LUZP2: variants seen among roughly 807,000 people sequenced by gnomAD.
The protein encoded by LUZP2 is leucine zipper protein 2.
In LUZP2, 52 loss-of-function variants were observed where a neutral mutation model predicts 51.6. That is an observed-to-expected ratio of 1.01 (90% confidence interval 0.81 to 1.27). The LOEUF (loss-of-function observed/expected upper bound fraction) is 1.27. Among genes scored for constraint, LUZP2 ranks in the 50% most tolerant of loss-of-function variants. The probability of loss-of-function intolerance (pLI) is 0.00; values close to 1 mark genes in which losing one functional copy is unlikely to be tolerated. For missense variants in LUZP2, 436 were observed against 395.4 expected, an observed-to-expected ratio of 1.10 and a Z score of -0.87; for synonymous variants, 154 against 137.3, an observed-to-expected ratio of 1.12 and a Z score of -0.85.
chr11:25,027,010 T>A (rs1345905679), intron 9 of LUZP2, among the ~76,000 whole-genome samples: 1 of 152,004 alleles, frequency 6.6e-6, no homozygotes, highest in East Asian at 1.9e-4. Context: ...CATTTGCAAA[T>A]AATCACCTAT....
At chr11:24,557,144 T>C (rs1356456726) in intron 1 of LUZP2, among the ~76,000 whole-genome samples, 3 of 150,906 alleles carry the variant, frequency 2.0e-5, no homozygotes, top group Admixed American at 1.3e-4. Flanking sequence ...CATTGTGTTA[T>C]AGCTGATGAC....
chr11:24,708,173 A>G (rs1857671956), intron 1 of LUZP2, among the ~76,000 whole-genome samples: 1 of 152,210 alleles, frequency 6.6e-6, no homozygotes, highest in African/African-American at 2.4e-5. Context: ...AAAATTGAAA[A>G]TACTGACATA....
chr11:24,960,724 G>T (rs977670175), intron 7 of LUZP2, among the ~76,000 whole-genome samples: 1 of 151,986 alleles, frequency 6.6e-6, no homozygotes, highest in Non-Finnish European at 1.5e-5. Flanking sequence ...TTTTTTGAAG[G>T]GTCCTTTGTG....
intron 4 of LUZP2, among the ~76,000 whole-genome samples, chr11:24,751,266 G>C (rs1198850820): frequency 6.6e-6 from 1 of 152,084 alleles, no homozygotes; most frequent in Non-Finnish European, 1.5e-5. Context: ...GAAATAATGA[G>C]TGATTCCTGG....
At chr11:24,767,148 TTTCCCTC>T (rs1319216087) in intron 5 of LUZP2, among the ~76,000 whole-genome samples, 5 of 152,206 alleles carry the variant, frequency 3.3e-5, no homozygotes, top group Non-Finnish European at 4.4e-5. Flanking sequence ...CCAATCCCAT[TTTCCCTC>T]CAAAATTTCT....
chr11:25,058,954 T>A (rs1858761150), intron 10 of LUZP2, among the ~76,000 whole-genome samples: 1 of 152,192 alleles, frequency 6.6e-6, no homozygotes, highest in Non-Finnish European at 1.5e-5. Context: ...CAAAAACTAT[T>A]GGTGTTTCTA....
chr11:24,868,971 T>C (rs1023878839), intron 5 of LUZP2, among the ~76,000 whole-genome samples: 5 of 152,208 alleles, frequency 3.3e-5, no homozygotes, highest in Non-Finnish European at 7.3e-5. Flanking sequence ...TCCAAGAATA[T>C]TCTCATTGTA....
chr11:24,788,343 C>T (rs1376544875), intron 5 of LUZP2, among the ~76,000 whole-genome samples: 1 of 151,922 alleles, frequency 6.6e-6, no homozygotes, highest in Non-Finnish European at 1.5e-5. Context: ...GTGTGCACCA[C>T]CATACCCAGC....
At chr11:24,984,549 T>TATATATATATATAA (rs60530495) in intron 9 of LUZP2, among the ~76,000 whole-genome samples, 8,422 of 71,072 alleles carry the variant, frequency 0.12, 708 homozygotes, top group East Asian at 0.22. Context: ...TATATATATA[T>TATATATATATATAA]AATTGTGAAT....
At chr11:24,517,059 AT>A (rs1376319352) in intron 1 of LUZP2, among the ~76,000 whole-genome samples, 1 of 152,032 alleles carries the variant, frequency 6.6e-6, no homozygotes, top group Non-Finnish European at 1.5e-5. Context: ...AAATACAAAG[AT>A]TTTTCTTTAT....
chr11:24,598,100 CAAAAA>C (rs200140320), intron 1 of LUZP2, among the ~76,000 whole-genome samples: 1 of 100,324 alleles, frequency 1.0e-5, no homozygotes. Flanking sequence ...GACTCTGTCT[CAAAAA>C]AAAAAAAAAA....
At chr11:24,770,967 G>T (rs1300812433) in intron 5 of LUZP2, among the ~76,000 whole-genome samples, 1 of 152,002 alleles carries the variant, frequency 6.6e-6, no homozygotes, top group Non-Finnish European at 1.5e-5. Context: ...ACACACCCTG[G>T]GCCTTCTGCA....
intron 4 of LUZP2, among the ~76,000 whole-genome samples, chr11:24,750,151 G>A (rs1200965554): frequency 6.6e-6 from 1 of 152,166 alleles, no homozygotes; most frequent in African/African-American, 2.4e-5. Context: ...GTGAACATCA[G>A]AACTAGAAAA....
chr11:25,019,432 A>G (rs1309339782), intron 9 of LUZP2, among the ~76,000 whole-genome samples: 5 of 152,158 alleles, frequency 3.3e-5, no homozygotes, highest in African/African-American at 1.2e-4. Context: ...GATTTGAACT[A>G]TATCATATAC....
intron 1 of LUZP2, among the ~76,000 whole-genome samples, chr11:24,588,159 T>G (rs1165327053): frequency 6.6e-6 from 1 of 152,176 alleles, no homozygotes. Flanking sequence ...GTCACTTACT[T>G]TATCTTGAAG....
intron 1 of LUZP2, among the ~76,000 whole-genome samples, chr11:24,596,302 G>A (rs1853443649): frequency 6.6e-6 from 1 of 152,082 alleles, no homozygotes; most frequent in South Asian, 2.1e-4. Flanking sequence ...AGATAAGAAA[G>A]AATAAGATGT....
intron 1 of LUZP2, among the ~76,000 whole-genome samples, chr11:24,690,957 G>T (rs568100405): frequency 1.3e-5 from 2 of 152,016 alleles, no homozygotes; most frequent in Non-Finnish European, 1.5e-5. Context: ...TCAATGTCTA[G>T]ATGTTTTCTG....
chr11:24,699,587 A>G (rs1215688977), intron 1 of LUZP2, among the ~76,000 whole-genome samples: 2 of 151,834 alleles, frequency 1.3e-5, no homozygotes, highest in African/African-American at 4.8e-5. Flanking sequence ...TGGTAAGCCT[A>G]AGATATAGAT....
At chr11:24,672,474 G>A (rs1856429278) in intron 1 of LUZP2, among the ~76,000 whole-genome samples, 1 of 152,000 alleles carries the variant, frequency 6.6e-6, no homozygotes, top group South Asian at 2.1e-4. Flanking sequence ...GTATTTAATT[G>A]TATAAATTCA....
Sources: gnomAD v4.1 joint callset for allele counts (sites outside exome capture counted in the v4.1 genomes callset) on GRCh38, gnomAD v4.1.1 for gene constraint, MANE v1.5 for transcripts, NCBI Gene and HGNC (gene_info 2026-07-23, HGNC 2026-07-21) for gene names.